The following PLEK variants were observed in gnomAD, a reference collection of about 807,000 sequenced individuals.
PLEK encodes platelet 47 kDa protein.
PLEK carries 25 observed loss-of-function variants against 43.9 expected under a neutral mutation model. The ratio of observed to expected loss-of-function variants is 0.57; its 90% CI spans 0.41 to 0.79. The LOEUF is 0.79. Among genes scored for constraint, PLEK ranks in the 30% least tolerant of loss-of-function variants. PLEK has a pLI of 0.00. For missense variants in PLEK, 396 were observed against 413.3 expected (o/e 0.96, Z 0.36); for synonymous variants, 152 against 144.4 (o/e 1.05, Z -0.38).
chr2:68,396,005 G>GC lies in PLEK; in HGVS notation c.*193dup. ...CCCCTGCATTGTATTGCTCACTGCA[G>GC]CCCCTCTGCCCCTATCCATGACCCC... is the stretch of plus-strand genomic sequence containing the variant. On this transcript the variant is annotated 3_prime_UTR_variant, in exon 9 of 9. Coordinates refer to ENST00000234313, the MANE Select transcript of PLEK (RefSeq NM_002664.3). 1.7e-6 allele frequency: 1 copy of GC among 581,212 alleles called. No individual in the cohort carries two copies. The allele number at this position is 581,212 out of a possible 1,614,324, so 36.0% of individuals were successfully genotyped here.
chr2:68,368,272 A>T (rs1206997157), intron 1 of PLEK, among the ~76,000 whole-genome samples: 1 of 152,220 alleles, frequency 6.6e-6, no homozygotes, highest in Non-Finnish European at 1.5e-5. Context: ...TTGTTTTAAA[A>T]AAGAGCACTT....
At chr2:68,384,761 G>GGC (rs1673703116) in intron 4 of PLEK, among the ~76,000 whole-genome samples, 1 of 152,180 alleles carries the variant, frequency 6.6e-6, no homozygotes, top group Non-Finnish European at 1.5e-5. Context: ...GCAAGGGTTA[G>GGC]AACACTTAAA....
At chr2:68,371,185 A>G (rs919185592) in intron 1 of PLEK, among the ~76,000 whole-genome samples, 9 of 152,186 alleles carry the variant, frequency 5.9e-5, no homozygotes, top group African/African-American at 2.2e-4. Flanking sequence ...TCATCTGTTA[A>G]CAAGCATGCT....
At chr2:68,385,663 C>A (rs1573078141) in intron 4 of PLEK, among the ~76,000 whole-genome samples, 1 of 152,088 alleles carries the variant, frequency 6.6e-6, no homozygotes, top group Non-Finnish European at 1.5e-5. Flanking sequence ...GCTGCCCCCT[C>A]AGCTTGTGCT....
chr2:68,378,863 C>T (rs2103768453), intron 1 of PLEK, among the ~76,000 whole-genome samples: 1 of 152,282 alleles, frequency 6.6e-6, no homozygotes, highest in South Asian at 2.1e-4. Context: ...GGCGCGATGG[C>T]TCACACCTGT....
At chr2:68,366,834 A>C (rs1383474749) in intron 1 of PLEK, among the ~76,000 whole-genome samples, 1 of 152,232 alleles carries the variant, frequency 6.6e-6, no homozygotes, top group African/African-American at 2.4e-5. Context: ...AGAGCAAGTG[A>C]ATAGGAACAT....
intron 1 of PLEK, among the ~76,000 whole-genome samples, chr2:68,371,885 C>A (rs56084564): frequency 0.51 from 77,359 of 151,868 alleles, 20,844 homozygotes; most frequent in East Asian, 0.76. Context: ...TAAGTCTTTA[C>A]AAAATATTAT....
intron 1 of PLEK, among the ~76,000 whole-genome samples, chr2:68,369,133 G>GA (rs1673342154): frequency 1.3e-5 from 2 of 152,316 alleles, no homozygotes; most frequent in Admixed American, 1.3e-4. Context: ...TGTTTACCCT[G>GA]AAGCAGGAAC....
intron 7 of PLEK, 145 bp from the exon 8 acceptor site, chr2:68,393,962 G>A (rs1673909872): frequency 1.7e-6 from 1 of 602,554 alleles, no homozygotes. Flanking sequence ...TCTGTCAGCA[G>A]TTTTTCTTTA....
At chr2:68,385,569 CTCT>C (rs1337595435) in intron 4 of PLEK, among the ~76,000 whole-genome samples, 2 of 152,060 alleles carry the variant, frequency 1.3e-5, no homozygotes, top group East Asian at 3.8e-4. Context: ...CTCCCTCCTC[CTCT>C]TATTTCCTTT....
chr2:68,370,131 T>C (rs1673370434), intron 1 of PLEK, among the ~76,000 whole-genome samples: 1 of 152,238 alleles, frequency 6.6e-6, no homozygotes, highest in African/African-American at 2.4e-5. Flanking sequence ...GAATAGATAA[T>C]AGTAACTGAC....
chr2:68,371,879 T>C (rs1673415186), intron 1 of PLEK, among the ~76,000 whole-genome samples: 1 of 152,164 alleles, frequency 6.6e-6, no homozygotes, highest in Middle Eastern at 3.2e-3. Flanking sequence ...ACCTTATAAG[T>C]CTTTACAAAA....
intron 8 of PLEK, among the ~76,000 whole-genome samples, chr2:68,395,347 A>T (rs992752969): frequency 1.3e-5 from 2 of 151,922 alleles, no homozygotes; most frequent in Non-Finnish European, 2.9e-5. Context: ...AAACTATTAG[A>T]GGTTACTCAT....
At chr2:68,389,306 A>G (rs3770650) in intron 6 of PLEK, among the ~76,000 whole-genome samples, 45,365 of 152,204 alleles carry the variant, frequency 0.3, 7,513 homozygotes, top group East Asian at 0.69. Context: ...GCTTTGCAGG[A>G]CCAAGGTCTT....
chr2:68,382,816 C>A (rs1178495890), intron 4 of PLEK, among the ~76,000 whole-genome samples, 183 bp downstream of exon 4: 5 of 152,146 alleles, frequency 3.3e-5, no homozygotes, highest in Non-Finnish European at 7.3e-5. Context: ...GTTGTTCAAG[C>A]TAACGATTTT....
intron 4 of PLEK, among the ~76,000 whole-genome samples, chr2:68,383,860 G>A (rs1007348035): frequency 2.0e-5 from 3 of 152,166 alleles, no homozygotes; most frequent in Admixed American, 6.5e-5. Context: ...GATCACTGAC[G>A]ATGAGATAGT....
At chr2:68,368,185 G>A (rs937891041) in intron 1 of PLEK, among the ~76,000 whole-genome samples, 2 of 152,200 alleles carry the variant, frequency 1.3e-5, no homozygotes, top group African/African-American at 4.8e-5. Flanking sequence ...GAAAATACAA[G>A]ATTCTGTCAT....
At chr2:68,386,049 G>T (rs1365547184) in intron 4 of PLEK, among the ~76,000 whole-genome samples, 1 of 151,344 alleles carries the variant, frequency 6.6e-6, no homozygotes, top group Non-Finnish European at 1.5e-5. Context: ...TTAAGACAAA[G>T]ACTTTATTTT....
At chr2:68,365,875 T>G (rs558235034) in intron 1 of PLEK, among the ~76,000 whole-genome samples, 13 of 152,306 alleles carry the variant, frequency 8.5e-5, no homozygotes, top group African/African-American at 3.1e-4. Context: ...GCCATCTTCT[T>G]GGAATTGACA....
Sources: allele counts gnomAD v4.1 joint callset (sites outside exome capture counted in the v4.1 genomes callset), GRCh38; gene constraint gnomAD v4.1.1; transcripts MANE v1.5; gene names NCBI Gene and HGNC (gene_info 2026-07-23, HGNC 2026-07-21).